ZNF664: variants seen among roughly 807,000 people sequenced by gnomAD.
The protein encoded by ZNF664 is zinc finger Organ of Corti 1.
A neutral mutation model predicts 18.2 loss-of-function variants in ZNF664; 10 were observed. That is an observed-to-expected ratio of 0.55 (90% CI 0.34 to 0.93). The LOEUF (loss-of-function observed/expected upper bound fraction) is 0.93, where lower values mean the gene tolerates loss of function less well. Among genes scored for constraint, ZNF664 ranks in the 40% least tolerant of loss-of-function variants. The probability of loss-of-function intolerance (pLI) is 0.02; values close to 1 mark genes in which losing one functional copy is unlikely to be tolerated. For missense variants in ZNF664, 193 were observed against 319.0 expected (o/e 0.61, Z 3.01); for synonymous variants, 119 against 104.2 (o/e 1.14, Z -0.86).
At position 124,013,136 on chromosome 12, in the gene ZNF664, G is replaced by T. The variant is rs921577057; in HGVS notation, c.*206G>T. ...TGAATGTGGACCTCTGAGCATCCAC[G>T]CAGGATGGCTCTCAGGTCCCAGTCA... On this transcript the variant is annotated 3_prime_UTR_variant, in exon 5 of 5. Transcript: ENST00000337815. 10 of 700,172 alleles carry T rather than the reference G, an allele frequency of 1.4e-5. No individual in the cohort carries two copies. The highest frequency in any genetic ancestry group is 2.3e-5 in the Non-Finnish European group (10 of 427,994). 43.4% of individuals were successfully genotyped at this position (700,172 alleles called of 1,614,324 possible).
intron 2 of ZNF664, among the ~76,000 whole-genome samples, chr12:123,978,151 T>G (rs1468593404): frequency 6.6e-6 from 1 of 152,100 alleles, no homozygotes; most frequent in Non-Finnish European, 1.5e-5. Context: ...AAAAATTTAT[T>G]CTTTAGGAAG....
intron 3 of ZNF664, among the ~76,000 whole-genome samples, chr12:124,010,014 CCTTCGGTTG>C (rs1399904593): frequency 6.6e-6 from 1 of 152,022 alleles, no homozygotes; most frequent in Non-Finnish European, 1.5e-5. Flanking sequence ...CTATCGATGG[CCTTCGGTTG>C]CTTGCAGTTT....
chr12:123,979,853 T>A (rs1489436954), intron 2 of ZNF664, among the ~76,000 whole-genome samples: 1 of 152,126 alleles, frequency 6.6e-6, no homozygotes, highest in Non-Finnish European at 1.5e-5. Context: ...GGCTGATTTT[T>A]AAATTTTTTT....
chr12:123,996,594 G>T (rs546974478), intron 3 of ZNF664, among the ~76,000 whole-genome samples: 1 of 152,132 alleles, frequency 6.6e-6, no homozygotes, highest in Non-Finnish European at 1.5e-5. Context: ...ATACTTCCAC[G>T]GAATGGAAAT....
chr12:123,995,545 A>G lies in ZNF664; in HGVS notation c.-661+7407A>G, dbSNP rs1488419725. 4.6e-5 allele frequency among the ~76,000 whole-genome samples: 7 copies of G among 150,568 alleles called. No individual in the cohort carries two copies. The East Asian group carries it at 1.3e-3, about 29-fold the overall frequency. ...ATATGAATGTTAATCCCAGTCACTC[A>G]GGCTTTGGAGAAGGAGAATGGAGGT... On this transcript the variant is annotated intron_variant, in intron 3 of 4. Coordinates refer to ENST00000337815, the MANE Select transcript of ZNF664 (RefSeq NM_152437.3).
At chr12:123,975,132 C>G (rs970852124) in intron 2 of ZNF664, among the ~76,000 whole-genome samples, 5 of 152,060 alleles carry the variant, frequency 3.3e-5, no homozygotes, top group African/African-American at 1.2e-4. Context: ...TCTGTCTGCT[C>G]CATAGAGTTC....
intron 3 of ZNF664, 50 bp from the exon 4 acceptor site, chr12:124,011,331 A>G (rs1957134243): frequency 2.1e-6 from 2 of 963,368 alleles, no homozygotes; most frequent in Non-Finnish European, 2.5e-6. Flanking sequence ...ATTGGATTAT[A>G]TACTTGAGCT....
intron 3 of ZNF664, among the ~76,000 whole-genome samples, chr12:124,009,661 G>C (rs1957111904): frequency 6.6e-6 from 1 of 151,820 alleles, no homozygotes; most frequent in Non-Finnish European, 1.5e-5. Context: ...ACCATGCCTG[G>C]CTAACTTTTT....
intron 2 of ZNF664, chr12:123,974,246 A>T (rs1956651743): frequency 5.1e-6 from 2 of 391,834 alleles, no homozygotes; most frequent in African/African-American, 4.1e-5. Context: ...CCGAACTCTA[A>T]CAACTAAATC....
chr12:124,011,542 A>G lies in ZNF664; in HGVS notation c.-599-4A>G, dbSNP rs1957136051. On this transcript the variant is annotated splice_polypyrimidine_tract_variant and splice_region_variant and intron_variant, in intron 4 of 4. Coordinates refer to ENST00000337815, the MANE Select transcript of ZNF664 (RefSeq NM_152437.3). The stretch of plus-strand genomic sequence containing the variant: ...CAATTTATTTATTTATGTTTCTATT[A>G]CAGGAGACGGCATGATACCCATGTA... 3.7e-6 allele frequency: 3 copies of G among 800,546 alleles called. No individual in the cohort carries two copies. Among genetic ancestry groups the G allele is most frequent in the Non-Finnish European group, 4.5e-6 (3 of 662,328 alleles). 49.6% of individuals were successfully genotyped at this position (800,546 alleles called of 1,614,324 possible).
chr12:123,992,763 A>G (rs1331747509), intron 3 of ZNF664, among the ~76,000 whole-genome samples: 1 of 152,142 alleles, frequency 6.6e-6, no homozygotes, highest in East Asian at 1.9e-4. Context: ...ACTACAGCAG[A>G]ATGCATTGGT....
intron 3 of ZNF664, chr12:123,997,954 G>T (rs924914357): frequency 6.6e-6 from 1 of 152,244 alleles, no homozygotes; most frequent in Non-Finnish European, 1.5e-5. Flanking sequence ...TACGTGTTAA[G>T]TGAAGTGAGG....
At position 124,015,080 on chromosome 12, in the gene ZNF664, T is replaced by C. The variant is rs1594581750; in HGVS notation, c.*2150T>C. 1.8e-5 allele frequency: 3 copies of C among 167,258 alleles called. No individual in the cohort carries two copies. In the East Asian group the frequency reaches 5.8e-4, roughly 32 times the overall value. The allele number at this position is 167,258 out of a possible 1,614,324, so 10.4% of individuals were successfully genotyped here. On this transcript the variant is annotated 3_prime_UTR_variant, in exon 5 of 5. Coordinates refer to ENST00000337815, the MANE Select transcript of ZNF664 (RefSeq NM_152437.3). ...GCCTAGACTTTTAGTTGATAGCCAG[T>C]TGAAATATCATTGATAGAATTTTAG...
At chr12:123,997,755 C>T (rs1956966932) in intron 3 of ZNF664, 1 of 152,176 alleles carries the variant, frequency 6.6e-6, no homozygotes, top group South Asian at 2.1e-4. Context: ...CACTATTCAA[C>T]CCAGTATACT....
At chr12:123,999,106 C>T (rs1956983086) in intron 3 of ZNF664, among the ~76,000 whole-genome samples, 1 of 152,184 alleles carries the variant, frequency 6.6e-6, no homozygotes, top group South Asian at 2.1e-4. Flanking sequence ...CTTTGATTAT[C>T]TTTCTTAGAG....
At chr12:123,983,159 AAAG>A (rs1370048755) in intron 2 of ZNF664, among the ~76,000 whole-genome samples, 1 of 152,214 alleles carries the variant, frequency 6.6e-6, no homozygotes, top group East Asian at 1.9e-4. Context: ...AAAAATAAAA[AAAG>A]AAAGCAAGCA....
intron 3 of ZNF664, among the ~76,000 whole-genome samples, chr12:123,995,668 T>C (rs1956940109): frequency 6.6e-6 from 1 of 152,124 alleles, no homozygotes; most frequent in African/African-American, 2.4e-5. Context: ...AAGGTAAAAA[T>C]GAATTTTAGA....
intron 2 of ZNF664, among the ~76,000 whole-genome samples, chr12:123,977,583 A>C (rs571887120): frequency 6.6e-6 from 1 of 152,242 alleles, no homozygotes; most frequent in South Asian, 2.1e-4. Context: ...GGAGACCATA[A>C]AGTATCCTGA....
rs540374479 is a variant in ZNF664, at chr12:124,013,587, A to G, written c.*657A>G. The stretch of plus-strand genomic sequence containing the variant: ...TCATTGGCAGACATATATGTCCTTG[A>G]ACCTTTTTTATTTGTGTGGATTCTG... On this transcript the variant is annotated 3_prime_UTR_variant, in exon 5 of 5. Coordinates refer to ENST00000337815, the MANE Select transcript of ZNF664 (RefSeq NM_152437.3). 1.8e-5 allele frequency: 3 copies of G among 167,774 alleles called. No individual in the cohort carries two copies. The South Asian group carries it at 6.2e-4, about 35-fold the overall frequency. 10.4% of individuals were successfully genotyped at this position (167,774 alleles called of 1,614,324 possible). A position where few individuals can be genotyped will look rare whatever the true frequency, so the allele number is the denominator to read the frequency against.
Sources: gnomAD v4.1 joint callset for allele counts (sites outside exome capture counted in the v4.1 genomes callset) on GRCh38, gnomAD v4.1.1 for gene constraint, MANE v1.5 for transcripts, NCBI Gene and HGNC (gene_info 2026-07-23, HGNC 2026-07-21) for gene names.